The following VPS26A variants were observed in gnomAD, a reference collection of about 807,000 sequenced individuals.
The protein encoded by VPS26A is vacuolar protein sorting-associated protein 26A.
A neutral mutation model predicts 42.4 loss-of-function variants in VPS26A; 22 were observed. The ratio of observed to expected loss-of-function variants is 0.52; its 90% CI spans 0.37 to 0.74. The LOEUF is 0.74. Ranked by LOEUF, VPS26A falls within the 30% of genes least tolerant of loss-of-function variation. The probability of loss-of-function intolerance (pLI) is 0.00; values close to 1 mark genes in which losing one functional copy is unlikely to be tolerated. For missense variants in VPS26A, 276 were observed against 379.2 expected (o/e 0.73, Z 2.26); for synonymous variants, 110 against 123.5 (o/e 0.89, Z 0.73).
chr10:69,135,192 G>C (rs570933731), intron 2 of VPS26A, among the ~76,000 whole-genome samples: 13 of 152,310 alleles, frequency 8.5e-5, no homozygotes, highest in South Asian at 8.3e-4. Flanking sequence ...CAGGGGATCA[G>C]AGTGTGCTTC....
At chr10:69,126,068 G>GT (rs774704995) in intron 1 of VPS26A, among the ~76,000 whole-genome samples, 1 of 152,162 alleles carries the variant, frequency 6.6e-6, no homozygotes, top group Non-Finnish European at 1.5e-5. Flanking sequence ...AAGCTCAAGA[G>GT]TTTTAACTTG....
chr10:69,173,072 G>A lies in VPS26A; in HGVS notation c.*1803G>A, dbSNP rs1167802405. On this transcript the variant is annotated 3_prime_UTR_variant, in exon 9 of 9. Transcript: ENST00000263559. ...ACTGTCATATACAGGATGCCTATCC[G>A]TTTTGCTCAAGACTTTTTGTAGCAT... is the stretch of plus-strand genomic sequence containing the variant. Among the ~76,000 whole-genome samples, 2 of 152,102 alleles carry A rather than the reference G, an allele frequency of 1.3e-5. No homozygotes were observed. The highest frequency in any genetic ancestry group is 2.1e-4 in the South Asian group (1 of 4,820).
intron 5 of VPS26A, among the ~76,000 whole-genome samples, chr10:69,159,780 G>A (rs1183144349): frequency 2.0e-5 from 3 of 151,850 alleles, no homozygotes; most frequent in Non-Finnish European, 4.4e-5. Flanking sequence ...TCCCTAATTG[G>A]CTCACAGATA....
At chr10:69,128,314 T>C (rs1187819273) in intron 1 of VPS26A, among the ~76,000 whole-genome samples, 1 of 150,530 alleles carries the variant, frequency 6.6e-6, no homozygotes, top group Non-Finnish European at 1.5e-5. Flanking sequence ...TCACTGCAAC[T>C]TCTGCCTCCT....
rs1195967159 is a variant in VPS26A, at chr10:69,172,477, A to G, written c.*1208A>G. The G allele has an allele frequency of 6.6e-6, 1 of 152,636 alleles. No individual in the cohort carries two copies. The highest frequency in any genetic ancestry group is 2.4e-5 in the African/African-American group (1 of 41,456). 9.5% of individuals were successfully genotyped at this position (152,636 alleles called of 1,614,324 possible). A position where few individuals can be genotyped will look rare whatever the true frequency, so the allele number is the denominator to read the frequency against. On this transcript the variant is annotated 3_prime_UTR_variant, in exon 9 of 9. Coordinates refer to ENST00000263559, the MANE Select transcript of VPS26A (RefSeq NM_004896.5). The stretch of plus-strand genomic sequence containing the variant: ...TTATGGTTCATTGGTTTTTGTACCA[A>G]TATTTTTTATGCACTTCAGTGCAAG...
chr10:69,132,856 T>C, intron 1 of VPS26A, 42 bp from the exon 2 acceptor site: 1 of 1,536,138 alleles, frequency 6.5e-7, no homozygotes, highest in Non-Finnish European at 8.7e-7. Flanking sequence ...ATGTAGTGAC[T>C]GACTAAACAT....
At chr10:69,144,642 A>G (rs34229066) in intron 2 of VPS26A, among the ~76,000 whole-genome samples, 27,275 of 151,760 alleles carry the variant, frequency 0.18, 2,850 homozygotes, top group Non-Finnish European at 0.23. Flanking sequence ...ATCATATTCC[A>G]TTGTATGGAT....
chr10:69,172,020 T>G lies in VPS26A; in HGVS notation c.*751T>G, dbSNP rs1331894232. 6.6e-6 allele frequency: 1 copy of G among 152,220 alleles called. No individual in the cohort carries two copies. Among genetic ancestry groups the G allele is most frequent in the Admixed American group, 6.5e-5 (1 of 15,276 alleles). 9.4% of individuals were successfully genotyped at this position (152,220 alleles called of 1,614,324 possible). The stretch of plus-strand genomic sequence containing the variant: ...GTACCGTTGTGTGTTTTCTGCAATG[T>G]GGAGTTGACTTAGCTTGGCATTTTA... On this transcript the variant is annotated 3_prime_UTR_variant, in exon 9 of 9. Transcript: ENST00000263559.
At chr10:69,125,217 A>G (rs1564669752) in intron 1 of VPS26A, among the ~76,000 whole-genome samples, 1 of 152,246 alleles carries the variant, frequency 6.6e-6, no homozygotes, top group Non-Finnish European at 1.5e-5. Flanking sequence ...CGAGCCAGGT[A>G]TATTTTTAAA....
chr10:69,143,017 C>T (rs1302977057), intron 2 of VPS26A, among the ~76,000 whole-genome samples: 1 of 152,116 alleles, frequency 6.6e-6, no homozygotes, highest in Non-Finnish European at 1.5e-5. Context: ...AAGTTTGTTT[C>T]AGGTAAACTT....
intron 1 of VPS26A, among the ~76,000 whole-genome samples, chr10:69,130,198 T>C (rs1840747541): frequency 6.6e-6 from 1 of 152,250 alleles, no homozygotes; most frequent in Non-Finnish European, 1.5e-5. Context: ...AATAGGTATT[T>C]TAATGCCTTC....
intron 2 of VPS26A, among the ~76,000 whole-genome samples, chr10:69,147,702 A>ATTTTATT (rs139840141): frequency 6.6e-6 from 1 of 152,034 alleles, no homozygotes; most frequent in Admixed American, 6.6e-5. Context: ...CCTCTGTGGC[A>ATTTTATT]TTTTATTTTT....
chr10:69,154,899 G>T, intron 2 of VPS26A, among the ~76,000 whole-genome samples: 1 of 152,242 alleles, frequency 6.6e-6, no homozygotes, highest in East Asian at 1.9e-4. Context: ...ACGCGCACGT[G>T]CGTGCACATA....
chr10:69,133,765 C>T (rs893973145), intron 2 of VPS26A: 5 of 389,572 alleles, frequency 1.3e-5, no homozygotes, highest in African/African-American at 2.1e-5. Context: ...TTACTGCATG[C>T]GGCCTTGTAC....
rs532398950 is a variant in VPS26A, at chr10:69,172,649, C to T, written c.*1380C>T. On this transcript the variant is annotated 3_prime_UTR_variant, in exon 9 of 9. Transcript: ENST00000263559. Reference sequence around the variant, plus strand: ...GTCCATGTACCACCATGTGCTGGAGCATCTGTTCTACATGTGGATATCTAT... The same window carrying T: ...GTCCATGTACCACCATGTGCTGGAGTATCTGTTCTACATGTGGATATCTAT... 3 of 152,768 alleles carry T rather than the reference C, an allele frequency of 2.0e-5. No homozygotes were observed. Among genetic ancestry groups the T allele is most frequent in the African/African-American group, 7.2e-5 (3 of 41,578 alleles). The allele number at this position is 152,768 out of a possible 1,614,324, so 9.5% of individuals were successfully genotyped here.
chr10:69,139,492 T>A (rs1840993738), intron 2 of VPS26A, among the ~76,000 whole-genome samples: 1 of 152,012 alleles, frequency 6.6e-6, no homozygotes, highest in Non-Finnish European at 1.5e-5. Flanking sequence ...TTAGTAGAGA[T>A]GGGGTTTCAC....
At chr10:69,140,573 C>T (rs1316772308) in intron 2 of VPS26A, among the ~76,000 whole-genome samples, 11 of 151,766 alleles carry the variant, frequency 7.2e-5, no homozygotes, top group African/African-American at 1.7e-4. Context: ...GGGGTAGATA[C>T]GGGGTTTCAC....
At chr10:69,163,804 G>C (rs1237484951) in intron 6 of VPS26A, among the ~76,000 whole-genome samples, 2 of 139,084 alleles carry the variant, frequency 1.4e-5, no homozygotes, top group Admixed American at 7.5e-5. Flanking sequence ...CTCGCTCTGT[G>C]GCCCAGGCGG....
chr10:69,132,844 A>ATT, intron 1 of VPS26A, 54 bp from the exon 2 acceptor site: 2 of 1,500,076 alleles, frequency 1.3e-6, no homozygotes, highest in Non-Finnish European at 1.8e-6. Context: ...TCAAATTATA[A>ATT]AATGTAGTGA....
Sources: gnomAD v4.1 joint callset for allele counts (sites outside exome capture counted in the v4.1 genomes callset) on GRCh38, gnomAD v4.1.1 for gene constraint, MANE v1.5 for transcripts, NCBI Gene and HGNC (gene_info 2026-07-23, HGNC 2026-07-21) for gene names.